DEFB115: variants seen among roughly 807,000 people sequenced by gnomAD.
DEFB115 encodes the protein beta-defensin 115.
A neutral mutation model predicts 8.8 loss-of-function variants in DEFB115; 7 were observed. The ratio of observed to expected loss-of-function variants is 0.79; its 90% confidence interval spans 0.45 to 1.49. The LOEUF is 1.49. Ranked by LOEUF, DEFB115 falls within the 40% of genes most tolerant of loss-of-function variation. The pLI is 0.01. For synonymous variants in DEFB115, 62 were observed against 37.6 expected, an observed-to-expected ratio of 1.65 and a Z score of -2.37; for missense variants, 143 against 99.4, an observed-to-expected ratio of 1.44 and a Z score of -1.86.
intron 1 of DEFB115, among the ~76,000 whole-genome samples, 160 bp downstream of exon 1, chr20:31,257,917 G>A (rs1983798546): frequency 6.6e-6 from 1 of 152,174 alleles, no homozygotes; most frequent in Non-Finnish European, 1.5e-5. Context: ...AAGAAGGGCA[G>A]CCTGTCAGGC....
intron 1 of DEFB115, 21 bp from the exon 2 acceptor site, chr20:31,259,439 T>C (rs570573653): frequency 1.9e-6 from 3 of 1,575,942 alleles, no homozygotes; most frequent in Admixed American, 3.9e-5. Context: ...TATATATTCA[T>C]GTGTTTGCTT....
chr20:31,259,357 A>G, intron 1 of DEFB115, 103 bp from the exon 2 acceptor site: 1 of 1,227,028 alleles, frequency 8.1e-7, no homozygotes, highest in East Asian at 2.7e-5. Context: ...TGTCAAAATC[A>G]ATGTTTCACT....
chr20:31,257,893 G>A, intron 1 of DEFB115, 136 bp downstream of exon 1: 1 of 753,518 alleles, frequency 1.3e-6, no homozygotes, highest in South Asian at 1.8e-5. Context: ...GGCTTATAAT[G>A]AATATGCTCC....
rs1375520375 is a variant in DEFB115 at position 31,259,610 on chromosome 20, A to T, written c.245A>T (p.Glu82Val). Residue 82 changes from glutamate (E) to valine (V), a missense_variant, in exon 2 of 2, where the codon GAG becomes GTG. Glu to Val is a moderately radical substitution (Grantham distance 121). Coordinates refer to ENST00000400552, the MANE Select transcript of DEFB115 (RefSeq NM_001037730.1). ...DKLSHIHDQK[E>V]TSELYI is the part of the protein sequence containing the mutation. The stretch of plus-strand genomic sequence containing the variant: ...CTATCACACATTCACGACCAAAAAG[A>T]GACAAGTGAGCTATATATCTAGTTG... 6.2e-7 allele frequency: 1 copy of T among 1,606,356 alleles called. No individual in the cohort carries two copies.
At position 31,257,685 on chromosome 20, in the gene DEFB115, C is replaced by G. The variant is rs946177627; in HGVS notation, c.22C>G (p.Pro8Ala). The G allele has an allele frequency of 1.9e-6, 3 of 1,613,902 alleles. No individual in the cohort carries two copies. The highest frequency in any genetic ancestry group is 2.7e-5 in the African/African-American group (2 of 74,914). ...CAGAATGCTGCCAGATCATTTCTCA[C>G]CCCTCTCAGGAGACATTAAACTCTC... is the stretch of plus-strand genomic sequence containing the variant. MLPDHFS[P>A]LSGDIKLSVL... is the part of the protein sequence containing the mutation. The change falls in exon 1 of 2, where the codon CCC becomes GCC. Residue 8 changes from proline (P) to alanine (A), a missense_variant. Coordinates refer to ENST00000400552, the MANE Select transcript of DEFB115 (RefSeq NM_001037730.1).
At chr20:31,258,273 C>G (rs1352382139) in intron 1 of DEFB115, among the ~76,000 whole-genome samples, 2 of 152,178 alleles carry the variant, frequency 1.3e-5, no homozygotes, top group African/African-American at 4.8e-5. Flanking sequence ...TTTATAAAAA[C>G]AGGCTCACAG....
rs1983844294 is a variant in DEFB115, at chr20:31,259,481, A to G, written c.116A>G (p.Tyr39Cys). The G allele has an allele frequency of 6.2e-7, 1 of 1,611,954 alleles. No homozygotes were observed. ...ATAGATGGATGGATCAGAAGGTGCT[A>G]TTATGGAACTGGCAGATGCAGGAAA... ...TAPDGWIRRCYYGTGRCRKSC... is the reference protein window; with the variant it reads ...TAPDGWIRRCCYGTGRCRKSC... Residue 39 changes from tyrosine (Y) to cysteine (C), a missense_variant, in exon 2 of 2, where the codon TAT becomes TGT. Coordinates refer to ENST00000400552, the MANE Select transcript of DEFB115 (RefSeq NM_001037730.1).
At position 31,259,465 on chromosome 20, in the gene DEFB115, T is replaced by C. The variant is rs761428654; in HGVS notation, c.100T>C (p.Trp34Arg). 2 of 1,592,880 alleles carry C rather than the reference T, an allele frequency of 1.3e-6. No homozygotes were observed. The highest frequency in any genetic ancestry group is 1.4e-5 in the African/African-American group (1 of 73,572). ...GTGTTTGCTTATTTTGATAGATGGATGGATCAGAAGGTGCTATTATGGAAC... is the reference window on the plus strand; with the variant it reads ...GTGTTTGCTTATTTTGATAGATGGACGGATCAGAAGGTGCTATTATGGAAC... ...VVLAQTAPDG[W>R]IRRCYYGTGR... Residue 34 changes from tryptophan (W) to arginine (R), a missense_variant, in exon 2 of 2, where the codon TGG becomes CGG. Physicochemically the swap from Trp to Arg is moderately radical, Grantham distance 101 (BLOSUM62 -3). Coordinates refer to ENST00000400552, the MANE Select transcript of DEFB115 (RefSeq NM_001037730.1).
rs561290048 is a variant in DEFB115, at chr20:31,258,981, G to A, written c.95-479G>A. Among the ~76,000 whole-genome samples the A allele has an allele frequency of 7.2e-5, 11 of 152,028 alleles. No homozygotes were observed. The East Asian group carries it at 1.7e-3, about 24-fold the overall frequency. ...ACACACACACACAAACACAACTTCAGCCTGCAGCTCAGAAATGTAAATTGG... is the reference window on the plus strand; with the variant it reads ...ACACACACACACAAACACAACTTCAACCTGCAGCTCAGAAATGTAAATTGG... On this transcript the variant is annotated intron_variant, in intron 1 of 1. Transcript: ENST00000400552.
Position 31,259,524 on chromosome 20 carries a change from G to A in DEFB115, c.159G>A (p.Glu53=), listed in dbSNP as rs762891282. The A allele has an allele frequency of 6.2e-6, 10 of 1,613,146 alleles. No individual in the cohort carries two copies. In the African/African-American group the frequency reaches 1.2e-4, roughly 19 times the overall value. Residue 53 remains glutamate, a synonymous_variant, in exon 2 of 2, where the codon GAG becomes GAA. Transcript: ENST00000400552. The stretch of plus-strand genomic sequence containing the variant: ...GCAGGAAATCATGCAAAGAAATTGA[G>A]AGGAAGAAAGAAAAATGTGGGGAAA... The part of the protein sequence containing the change: ...GRCRKSCKEI[E]RKKEKCGEKH...
chr20:31,259,418 T>C (rs745480651), intron 1 of DEFB115, 42 bp from the exon 2 acceptor site: 2 of 1,505,098 alleles, frequency 1.3e-6, no homozygotes, highest in Admixed American at 4.5e-5. Context: ...TATTTATTTT[T>C]CAAATGTATT....
chr20:31,259,175 T>A (rs1983835464), intron 1 of DEFB115, among the ~76,000 whole-genome samples: 1 of 152,154 alleles, frequency 6.6e-6, no homozygotes, highest in Non-Finnish European at 1.5e-5. Context: ...CTGGCAAGCA[T>A]CTAGATTTAG....
At chr20:31,258,196 A>T (rs1983804182) in intron 1 of DEFB115, among the ~76,000 whole-genome samples, 1 of 152,198 alleles carries the variant, frequency 6.6e-6, no homozygotes, top group South Asian at 2.1e-4. Flanking sequence ...CAGGCAGAAG[A>T]GGCAACTTGC....
rs1983822287 is a variant in DEFB115 at position 31,258,788 on chromosome 20, GA to G, written c.95-668del. ...TTATCTCCCAGAAGAAGAGTTTGGG[GA>G]AAAGACAAGTGGAAAGAATCTGTAG... On this transcript the variant is annotated intron_variant, in intron 1 of 1. Transcript: ENST00000400552. Among the ~76,000 whole-genome samples the G allele has an allele frequency of 4.6e-5, 7 of 152,242 alleles. No individual in the cohort carries two copies. In the South Asian group the frequency reaches 1.2e-3, roughly 27 times the overall value.
intron 1 of DEFB115, among the ~76,000 whole-genome samples, chr20:31,258,713 A>G (rs978114933): frequency 2.0e-5 from 3 of 152,210 alleles, no homozygotes; most frequent in Non-Finnish European, 4.4e-5. Flanking sequence ...AGTCAATGTG[A>G]CTGATTTTTT....
At chr20:31,259,193 G>A (rs1030475974) in intron 1 of DEFB115, among the ~76,000 whole-genome samples, 1 of 152,142 alleles carries the variant, frequency 6.6e-6, no homozygotes, top group African/African-American at 2.4e-5. Flanking sequence ...TAGAGAGGAA[G>A]TAGAACCAGA....
chr20:31,258,518 C>T lies in DEFB115; in HGVS notation c.94+761C>T, dbSNP rs1041724747. Reference sequence around the variant, plus strand: ...TTGGAGCAGCTATTCAAGCTGAAAGCCTTTGCCAATCACTCAGTTGTTCTA... The same window carrying T: ...TTGGAGCAGCTATTCAAGCTGAAAGTCTTTGCCAATCACTCAGTTGTTCTA... On this transcript the variant is annotated intron_variant, in intron 1 of 1. Coordinates refer to ENST00000400552, the MANE Select transcript of DEFB115 (RefSeq NM_001037730.1). 2.6e-5 allele frequency among the ~76,000 whole-genome samples: 4 copies of T among 152,154 alleles called. No homozygotes were observed. The East Asian group carries it at 5.8e-4, about 22-fold the overall frequency.
intron 1 of DEFB115, 35 bp downstream of exon 1, chr20:31,257,792 T>C: frequency 6.4e-7 from 1 of 1,563,518 alleles, no homozygotes; most frequent in Non-Finnish European, 8.8e-7. Context: ...GAAAAGGGAG[T>C]AAGGATGGGG....
intron 1 of DEFB115, among the ~76,000 whole-genome samples, chr20:31,259,011 C>T (rs941434673): frequency 2.0e-5 from 3 of 152,092 alleles, no homozygotes; most frequent in African/African-American, 4.8e-5. Flanking sequence ...AATTGGTCAT[C>T]CATTGTTCAG....
Sources: gnomAD v4.1 joint callset for allele counts (sites outside exome capture counted in the v4.1 genomes callset) on GRCh38, gnomAD v4.1.1 for gene constraint, MANE v1.5 for transcripts, NCBI Gene and HGNC (gene_info 2026-07-23, HGNC 2026-07-21) for gene names.